Variants in SDK1 observed in about 807,000 individuals in gnomAD.
SDK1 encodes sidekick cell adhesion molecule 1.
In SDK1, 157 loss-of-function variants were observed where a neutral mutation model predicts 245.5. That is an observed-to-expected ratio of 0.64 (90% confidence interval 0.56 to 0.73). The LOEUF (loss-of-function observed/expected upper bound fraction) is 0.73. Among genes scored for constraint, SDK1 ranks in the 30% least tolerant of loss-of-function variants. SDK1 has a pLI of 0.00. For missense variants in SDK1, 3,583 were observed against 3,002.3 expected, an observed-to-expected ratio of 1.19 and a Z score of -4.52; for synonymous variants, 1,647 against 1,278.5, an observed-to-expected ratio of 1.29 and a Z score of -6.15.
chr7:4,175,766 C>T lies in SDK1; in HGVS notation c.4937-9C>T, dbSNP rs1322081364. On this transcript the variant is annotated splice_polypyrimidine_tract_variant and intron_variant, in intron 33 of 44. Transcript: ENST00000404826. ...GCTAACCACCTTTCTGCTTTGCTTACCCCAATAGCCCAAAGCAGCTTCAAG... is the reference window on the plus strand; with the variant it reads ...GCTAACCACCTTTCTGCTTTGCTTATCCCAATAGCCCAAAGCAGCTTCAAG... 3 of 1,613,304 alleles carry T rather than the reference C, an allele frequency of 1.9e-6. No individual in the cohort carries two copies. The highest frequency in any genetic ancestry group is 2.2e-5 in the South Asian group (2 of 91,068).
At chr7:3,959,488 C>T (rs1781508667) in intron 8 of SDK1, among the ~76,000 whole-genome samples, 1 of 152,216 alleles carries the variant, frequency 6.6e-6, no homozygotes, top group African/African-American at 2.4e-5. Flanking sequence ...TGATGTATTG[C>T]ACAGTGGTGA....
chr7:3,553,336 G>A (rs567002160), intron 1 of SDK1, among the ~76,000 whole-genome samples: 32 of 152,166 alleles, frequency 2.1e-4, no homozygotes, highest in African/African-American at 6.3e-4. Flanking sequence ...CTTCTAGCTT[G>A]GACAAAATGG....
At chr7:3,320,453 T>C (rs1779774911) in intron 1 of SDK1, among the ~76,000 whole-genome samples, 1 of 152,052 alleles carries the variant, frequency 6.6e-6, no homozygotes, top group African/African-American at 2.4e-5. Context: ...AGTGTCAGAG[T>C]TCCCTGTTAA....
chr7:3,481,626 C>T (rs1220868098), intron 1 of SDK1, among the ~76,000 whole-genome samples: 1 of 152,162 alleles, frequency 6.6e-6, no homozygotes, highest in Non-Finnish European at 1.5e-5. Flanking sequence ...TTCCTGTGTA[C>T]AGGGTTACCT....
chr7:3,976,005 C>G (rs1356727158), intron 13 of SDK1, among the ~76,000 whole-genome samples: 2 of 6,220 alleles, frequency 3.2e-4, no homozygotes, highest in African/African-American at 6.6e-4. Context: ...CTGAGGCTGC[C>G]ACGCAGAGGA....
chr7:3,560,899 C>T (rs1018258188), intron 1 of SDK1, among the ~76,000 whole-genome samples: 2 of 152,218 alleles, frequency 1.3e-5, no homozygotes, highest in African/African-American at 2.4e-5. Flanking sequence ...TCCTACACTT[C>T]CTTTGAGTCT....
At chr7:3,451,719 G>A (rs1427249787) in intron 1 of SDK1, among the ~76,000 whole-genome samples, 2 of 152,102 alleles carry the variant, frequency 1.3e-5, no homozygotes, top group East Asian at 3.8e-4. Context: ...AGTACTGTCG[G>A]CCACCAGGGG....
chr7:3,704,836 T>A (rs1157847425), intron 4 of SDK1, among the ~76,000 whole-genome samples: 2 of 152,208 alleles, frequency 1.3e-5, no homozygotes, highest in Non-Finnish European at 2.9e-5. Flanking sequence ...TAGATTTAAG[T>A]CTTTCACCAT....
chr7:3,442,582 C>G (rs1055382898), intron 1 of SDK1, among the ~76,000 whole-genome samples: 3 of 152,182 alleles, frequency 2.0e-5, no homozygotes, highest in Non-Finnish European at 4.4e-5. Context: ...GTTCAAATCA[C>G]CACTCTGCCC....
rs60617574 is a variant in SDK1, at chr7:3,580,968, CAAAAAAAA to C, written c.299-38093_299-38086del. Among the ~76,000 whole-genome samples, 27 of 24,894 alleles carry C rather than the reference CAAAAAAAA, an allele frequency of 1.1e-3. 1 individual carries two copies. The highest frequency in any genetic ancestry group is 1.8e-3 in the African/African-American group (17 of 9,342). The allele number at this position is 24,894 out of a possible 152,430, so 16.3% of individuals were successfully genotyped here. On this transcript the variant is annotated intron_variant, in intron 1 of 44. Transcript: ENST00000404826. ...TAGGTTATAGGGCAAGACTCCATCT[CAAAAAAAA>C]AAAAAAAAAAAAAAAAAACCAAAAC...
intron 30 of SDK1, among the ~76,000 whole-genome samples, chr7:4,153,343 T>C (rs1780511720): frequency 6.6e-6 from 1 of 152,044 alleles, no homozygotes; most frequent in Admixed American, 6.6e-5. Flanking sequence ...CCCAGCACTT[T>C]GGGAGGCCGA....
chr7:3,987,069 T>G (rs1783909326), intron 13 of SDK1, 117 bp from the exon 14 acceptor site: 1 of 983,814 alleles, frequency 1.0e-6, no homozygotes, highest in African/African-American at 1.6e-5. Flanking sequence ...GGGCATATTT[T>G]ATGTTATTCA....
At chr7:4,130,207 C>A (rs1784710355) in intron 27 of SDK1, 110 bp downstream of exon 27, 9 of 1,235,020 alleles carry the variant, frequency 7.3e-6, no homozygotes, top group Non-Finnish European at 8.9e-6. Flanking sequence ...AAACCACTTT[C>A]TTTTGCAGTT....
Position 3,345,924 on chromosome 7 carries a change from C to T in SDK1, c.298+44040C>T, listed in dbSNP as rs1251200505. Among the ~76,000 whole-genome samples, 3 of 152,200 alleles carry T rather than the reference C, an allele frequency of 2.0e-5. No individual in the cohort carries two copies. The East Asian group carries it at 5.8e-4, about 29-fold the overall frequency. On this transcript the variant is annotated intron_variant, in intron 1 of 44. Coordinates refer to ENST00000404826, the MANE Select transcript of SDK1 (RefSeq NM_152744.4). ...GTTCAGTCTGTTGGAATTGCAGTGT[C>T]ATCACCCACTGCAGTTATTCGGTTC...
intron 1 of SDK1, among the ~76,000 whole-genome samples, chr7:3,465,482 C>G (rs1368594842): frequency 1.3e-5 from 2 of 152,190 alleles, no homozygotes; most frequent in East Asian, 3.8e-4. Context: ...TCTTGTGCCT[C>G]ACATTAGTGT....
At chr7:3,623,044 A>G (rs929176744) in intron 2 of SDK1, among the ~76,000 whole-genome samples, 15 of 152,300 alleles carry the variant, frequency 9.8e-5, no homozygotes, top group Admixed American at 8.5e-4. Flanking sequence ...AATGAAAAAA[A>G]CATGGATACT....
At chr7:3,557,328 A>G (rs1001448841) in intron 1 of SDK1, among the ~76,000 whole-genome samples, 1 of 152,206 alleles carries the variant, frequency 6.6e-6, no homozygotes, top group African/African-American at 2.4e-5. Flanking sequence ...CACATTTTCC[A>G]ACTAAGAAGA....
intron 19 of SDK1, among the ~76,000 whole-genome samples, chr7:4,054,309 C>T (rs1194017929): frequency 6.6e-6 from 1 of 152,110 alleles, no homozygotes. Flanking sequence ...ATATTGAGAC[C>T]GTGTACATTT....
At chr7:4,145,629 C>T in intron 28 of SDK1, 93 bp from the exon 29 acceptor site, 3 of 1,098,940 alleles carry the variant, frequency 2.7e-6, no homozygotes, top group Non-Finnish European at 3.9e-6. Context: ...AGACAGATGG[C>T]CTTCCAGGGG....
Sources: gnomAD v4.1 joint callset for allele counts (sites outside exome capture counted in the v4.1 genomes callset) on GRCh38, gnomAD v4.1.1 for gene constraint, MANE v1.5 for transcripts, NCBI Gene and HGNC (gene_info 2026-07-23, HGNC 2026-07-21) for gene names.